The following MAPRE1 variants were observed in gnomAD, a reference collection of about 807,000 sequenced individuals.
MAPRE1 encodes the protein microtubule-associated protein RP/EB family member 1.
MAPRE1 carries 5 observed loss-of-function variants against 32.1 expected under a neutral mutation model. That is an observed-to-expected ratio of 0.16 (90% CI 0.08 to 0.33). The LOEUF (loss-of-function observed/expected upper bound fraction) is 0.33, where lower values mean the gene tolerates loss of function less well. Among genes scored for constraint, MAPRE1 ranks in the 10% least tolerant of loss-of-function variants. The pLI is 1.00. For missense variants in MAPRE1, 209 were observed against 327.2 expected (o/e 0.64, Z 2.79); for synonymous variants, 122 against 118.9 (o/e 1.03, Z -0.17).
At chr20:32,828,919 G>A (rs1982941741) in intron 2 of MAPRE1, among the ~76,000 whole-genome samples, 1 of 152,064 alleles carries the variant, frequency 6.6e-6, no homozygotes, top group South Asian at 2.1e-4. Context: ...TCACTATAAA[G>A]TCTGTGAGGT....
At chr20:32,844,709 G>C (rs1026705734) in intron 5 of MAPRE1, among the ~76,000 whole-genome samples, 1 of 152,136 alleles carries the variant, frequency 6.6e-6, no homozygotes, top group Non-Finnish European at 1.5e-5. Flanking sequence ...ACTGCGCCTG[G>C]CCAGCATTCC....
At chr20:32,834,061 C>T (rs1983115495) in intron 3 of MAPRE1, among the ~76,000 whole-genome samples, 199 bp downstream of exon 3, 2 of 152,146 alleles carry the variant, frequency 1.3e-5, no homozygotes, top group Admixed American at 6.6e-5. Flanking sequence ...TTTCTTTCTT[C>T]ATCGTCTGTG....
At chr20:32,829,982 G>T (rs113543156) in intron 2 of MAPRE1, among the ~76,000 whole-genome samples, 1 of 152,112 alleles carries the variant, frequency 6.6e-6, no homozygotes, top group African/African-American at 2.4e-5. Context: ...TGTCAGAAAG[G>T]GAGTACTGGT....
At chr20:32,834,402 T>C (rs1358270289) in intron 3 of MAPRE1, among the ~76,000 whole-genome samples, 1 of 152,228 alleles carries the variant, frequency 6.6e-6, no homozygotes, top group Non-Finnish European at 1.5e-5. Flanking sequence ...AACAGAAACA[T>C]GGTCCACCAG....
intron 4 of MAPRE1, among the ~76,000 whole-genome samples, chr20:32,837,545 A>G (rs1163353112): frequency 6.6e-6 from 1 of 152,174 alleles, no homozygotes; most frequent in African/African-American, 2.4e-5. Flanking sequence ...ACAGATGCTA[A>G]TTTCTTCTTT....
rs1282641437 is a variant in MAPRE1, at chr20:32,849,671, T to C, written c.*943T>C. 1 of 152,666 alleles carries C rather than the reference T, an allele frequency of 6.6e-6. No homozygotes were observed. Among genetic ancestry groups the C allele is most frequent in the Non-Finnish European group, 1.5e-5 (1 of 68,066 alleles). The allele number at this position is 152,666 out of a possible 1,614,324, so 9.5% of individuals were successfully genotyped here. A position where few individuals can be genotyped will look rare whatever the true frequency, so the allele number is the denominator to read the frequency against. ...CCCTTGCCCACTGGGGACTCCTCTT[T>C]GGCTCCTTGAAGTTTGCTGCTTAGA... On this transcript the variant is annotated 3_prime_UTR_variant, in exon 7 of 7. Transcript: ENST00000375571.
chr20:32,839,952 C>A, intron 5 of MAPRE1, 96 bp downstream of exon 5: 1 of 1,529,334 alleles, frequency 6.5e-7, no homozygotes, highest in Non-Finnish European at 8.9e-7. Context: ...TGAACACCTG[C>A]CTTGTTTGCT....
intron 2 of MAPRE1, among the ~76,000 whole-genome samples, chr20:32,829,342 G>C (rs746860713): frequency 4.4e-4 from 67 of 152,354 alleles, no homozygotes; most frequent in Non-Finnish European, 7.9e-4. Flanking sequence ...TAGTCTTCTT[G>C]AAAGCCGTAT....
rs1235582454 is a variant in MAPRE1 at position 32,846,626 on chromosome 20, A to G, written c.606A>G (p.Val202=). ...EAAELMQQVN[V]LKLTVEDLEK... ...TTTAATGTCTTGTGCAGGTCAACGTATTGAAACTTACTGTTGAAGACTTGG... is the reference window on the plus strand; with the variant it reads ...TTTAATGTCTTGTGCAGGTCAACGTGTTGAAACTTACTGTTGAAGACTTGG... The change falls in exon 6 of 7, where the codon GTA becomes GTG. Residue 202 remains valine (V), a synonymous_variant. Transcript: ENST00000375571. The G allele has an allele frequency of 1.2e-6, 2 of 1,613,606 alleles. No homozygotes were observed. The highest frequency in any genetic ancestry group is 1.7e-6 in the Non-Finnish European group (2 of 1,179,660).
chr20:32,821,388 A>T (rs1373070478), intron 1 of MAPRE1, among the ~76,000 whole-genome samples: 1 of 152,178 alleles, frequency 6.6e-6, no homozygotes, highest in Non-Finnish European at 1.5e-5. Flanking sequence ...GCAGCCCAGC[A>T]AGTGGCTGAA....
At chr20:32,820,539 A>G (rs905673981) in intron 1 of MAPRE1, among the ~76,000 whole-genome samples, 4 of 152,092 alleles carry the variant, frequency 2.6e-5, no homozygotes, top group African/African-American at 9.7e-5. Context: ...GGACAGTAAT[A>G]CTACCCACAT....
At chr20:32,843,054 C>G (rs927435299) in intron 5 of MAPRE1, 2 of 152,146 alleles carry the variant, frequency 1.3e-5, no homozygotes, top group Non-Finnish European at 2.9e-5. Context: ...CTTTGTTGAT[C>G]CTGGAAGGCT....
intron 6 of MAPRE1, among the ~76,000 whole-genome samples, chr20:32,848,165 C>T (rs1009469756): frequency 6.6e-5 from 10 of 151,766 alleles, no homozygotes; most frequent in East Asian, 1.9e-4. Flanking sequence ...GCCTCGACCC[C>T]GCTGGGGAGT....
intron 5 of MAPRE1, among the ~76,000 whole-genome samples, chr20:32,844,989 C>CTGTATGTATGTATGTA (rs35343459): frequency 2.0e-5 from 3 of 150,310 alleles, no homozygotes; most frequent in Non-Finnish European, 3.0e-5. Context: ...AGTAGCTGTA[C>CTGTATGTATGTATGTA]TGTATGTATG....
At position 32,825,969 on chromosome 20, in the gene MAPRE1, C is replaced by A; in HGVS notation, c.42C>A (p.Asn14Lys). The change falls in exon 2 of 7, where the codon AAC becomes AAA. Residue 14 changes from asparagine (N) to lysine (K), a missense_variant. Transcript: ENST00000375571. ...ACTCAACGTCAGTGACCAGTGATAA[C>A]CTAAGTCGACATGACATGCTGGCCT... ...NVYSTSVTSD[N>K]LSRHDMLAWI... is the part of the protein sequence containing the mutation. 1 of 1,610,486 alleles carries A rather than the reference C, an allele frequency of 6.2e-7. No homozygotes were observed. Among genetic ancestry groups the A allele is most frequent in the Non-Finnish European group, 8.5e-7 (1 of 1,177,248 alleles).
At chr20:32,821,620 T>A (rs930223396) in intron 1 of MAPRE1, among the ~76,000 whole-genome samples, 7 of 152,226 alleles carry the variant, frequency 4.6e-5, no homozygotes, top group African/African-American at 1.4e-4. Context: ...GCAGAGATAC[T>A]GTTTTACCCA....
At chr20:32,826,790 T>C (rs1982865809) in intron 2 of MAPRE1, among the ~76,000 whole-genome samples, 1 of 151,776 alleles carries the variant, frequency 6.6e-6, no homozygotes, top group Admixed American at 6.6e-5. Flanking sequence ...GTGCTGGGAT[T>C]ACAGGCATGA....
At chr20:32,840,625 C>T (rs1390533441) in intron 5 of MAPRE1, among the ~76,000 whole-genome samples, 1 of 149,506 alleles carries the variant, frequency 6.7e-6, no homozygotes, top group East Asian at 2.0e-4. Context: ...ACGCCTGGCT[C>T]CATTGAAAAA....
rs1265817470 is a variant in MAPRE1, at chr20:32,850,301, C to G, written c.*1573C>G. ...TGTGGCCTTTTAGACTTTTGTTGCCCTAAAATTCCATTTTATTGGGAACCC... is the reference window on the plus strand; with the variant it reads ...TGTGGCCTTTTAGACTTTTGTTGCCGTAAAATTCCATTTTATTGGGAACCC... On this transcript the variant is annotated 3_prime_UTR_variant, in exon 7 of 7. Coordinates refer to ENST00000375571, the MANE Select transcript of MAPRE1 (RefSeq NM_012325.3). 6.6e-6 allele frequency: 1 copy of G among 152,582 alleles called. No individual in the cohort carries two copies. The highest frequency in any genetic ancestry group is 1.5e-5 in the Non-Finnish European group (1 of 68,036). The allele number at this position is 152,582 out of a possible 1,614,324, so 9.5% of individuals were successfully genotyped here. A position where few individuals can be genotyped will look rare whatever the true frequency, so the allele number is the denominator to read the frequency against.
Sources: allele counts gnomAD v4.1 joint callset (sites outside exome capture counted in the v4.1 genomes callset), GRCh38; gene constraint gnomAD v4.1.1; transcripts MANE v1.5; gene names NCBI Gene and HGNC (gene_info 2026-07-23, HGNC 2026-07-21).